CREBRF: variants seen among roughly 807,000 people sequenced by gnomAD.
CREBRF encodes CREB3 regulatory factor.
A neutral mutation model predicts 66.1 loss-of-function variants in CREBRF; 5 were observed. The observed-to-expected ratio is 0.08, with a 90% CI of 0.04 to 0.16. The LOEUF (loss-of-function observed/expected upper bound fraction) is 0.16, where lower values mean the gene tolerates loss of function less well. Among genes scored for constraint, CREBRF ranks in the 10% least tolerant of loss-of-function variants. The pLI is 1.00. For missense variants in CREBRF, 531 were observed against 744.9 expected (o/e 0.71, Z 3.34); for synonymous variants, 229 against 264.4 (o/e 0.87, Z 1.30).
Position 173,108,682 on chromosome 5 carries a change from G to C in CREBRF, c.1281G>C (p.Lys427Asn). ...LKEVTSISSR[K>N]RGKRRYFWEY... ...AGGTGACTTCAATATCTTCACGGAA[G>C]AGAGGTAAAAGAAGATACTTCTGGG... Residue 427 changes from lysine (K) to asparagine (N), a missense_variant, in exon 5 of 9, where the codon AAG (lysine) becomes AAC (asparagine). Physicochemically the swap from Lys to Asn is moderately conservative, Grantham distance 94. This residue lies in a region of CREBRF where 309 missense variants were observed against 341.4 expected (regional missense o/e 0.90). Coordinates refer to ENST00000296953, the MANE Select transcript of CREBRF (RefSeq NM_153607.3). 1 of 1,613,926 alleles carries C rather than the reference G, an allele frequency of 6.2e-7. No individual in the cohort carries two copies. The highest frequency in any genetic ancestry group is 8.5e-7 in the Non-Finnish European group (1 of 1,179,938).
chr5:173,112,643 G>A (rs29779), intron 7 of CREBRF, among the ~76,000 whole-genome samples: 100,575 of 152,040 alleles, frequency 0.66, 33,791 homozygotes, highest in African/African-American at 0.72. Flanking sequence ...ATGATAATTT[G>A]TTTATTTTTT....
chr5:173,107,817 A>T (rs992699584), intron 4 of CREBRF, among the ~76,000 whole-genome samples: 109 of 121,850 alleles, frequency 8.9e-4, no homozygotes, highest in African/African-American at 3.1e-3. Context: ...TCTCTACAAA[A>T]TTTTTTTTTT....
chr5:173,086,356 A>C lies in CREBRF; in HGVS notation c.10-145A>C, dbSNP rs1758146689. The C allele has an allele frequency of 9.6e-6, 7 of 729,428 alleles. No individual in the cohort carries two copies. In the Admixed American group the frequency reaches 1.9e-4, roughly 20 times the overall value. The allele number at this position is 729,428 out of a possible 1,614,324, so 45.2% of individuals were successfully genotyped here. A position where few individuals can be genotyped will look rare whatever the true frequency, so the allele number is the denominator to read the frequency against. ...AGTTCAGTGTTAGCCAAAGCTCTTA[A>C]ATATACTATACAGTAGAAAAAAAGT... is the stretch of plus-strand genomic sequence containing the variant. On this transcript the variant is annotated intron_variant, in intron 2 of 8. Transcript: ENST00000296953.
Position 173,091,158 on chromosome 5 carries a change from G to C in CREBRF, c.979G>C (p.Asp327His). 1 of 1,614,202 alleles carries C rather than the reference G, an allele frequency of 6.2e-7. No individual in the cohort carries two copies. Among genetic ancestry groups the C allele is most frequent in the Non-Finnish European group, 8.5e-7 (1 of 1,180,034 alleles). Residue 327 changes from aspartate to histidine, a missense_variant, in exon 4 of 9, where the codon GAT becomes CAT. By Grantham distance (81) the Asp-to-His change is moderately conservative. This residue lies in a region of CREBRF where 309 missense variants were observed against 341.4 expected (regional missense o/e 0.90). Coordinates refer to ENST00000296953, the MANE Select transcript of CREBRF (RefSeq NM_153607.3). ...TCTTTCTGCCAGTACATCAGTCTCAGATTCATCCCAGAAAAAAGAAGAGCA... is the reference window on the plus strand; with the variant it reads ...TCTTTCTGCCAGTACATCAGTCTCACATTCATCCCAGAAAAAAGAAGAGCA... ...SSLSASTSVS[D>H]SSQKKEEHNY...
intron 1 of CREBRF, among the ~76,000 whole-genome samples, chr5:173,071,122 G>A (rs1239691505): frequency 2.0e-5 from 3 of 152,096 alleles, no homozygotes; most frequent in Non-Finnish European, 2.9e-5. Flanking sequence ...ACTATCTTGA[G>A]GATTAGGGGA....
At chr5:173,064,712 GTGCCACCA>G (rs1757382265) in intron 1 of CREBRF, among the ~76,000 whole-genome samples, 2 of 152,062 alleles carry the variant, frequency 1.3e-5, no homozygotes, top group South Asian at 4.1e-4. Flanking sequence ...TTACAGGGAT[GTGCCACCA>G]TGCCCAGCTA....
intron 2 of CREBRF, among the ~76,000 whole-genome samples, chr5:173,081,462 G>A (rs186940920): frequency 3.7e-4 from 57 of 152,224 alleles, no homozygotes; most frequent in Non-Finnish European, 2.9e-4. Context: ...CAGTGCTGGG[G>A]AGAAACCTAG....
chr5:173,117,742 G>T (rs879840831), intron 7 of CREBRF, among the ~76,000 whole-genome samples: 4 of 133,830 alleles, frequency 3.0e-5, no homozygotes, highest in South Asian at 2.4e-4. Flanking sequence ...GTCTTTCCTC[G>T]CTCTGTTGTC....
chr5:173,068,851 C>T (rs774783425), intron 1 of CREBRF, among the ~76,000 whole-genome samples: 6 of 151,658 alleles, frequency 4.0e-5, no homozygotes, highest in Non-Finnish European at 8.8e-5. Flanking sequence ...GGCGAATTGC[C>T]TGAGCTCAGG....
chr5:173,078,910 A>G (rs930664858), intron 1 of CREBRF, among the ~76,000 whole-genome samples: 17 of 152,188 alleles, frequency 1.1e-4, no homozygotes, highest in African/African-American at 4.1e-4. Context: ...CCAAGATTAT[A>G]CTGATCCACT....
chr5:173,135,729 G>C lies in CREBRF; in HGVS notation c.*1984G>C, dbSNP rs550198095. ...GCATATGAAGCTATATATATAGCTT[G>C]TGAAGGTTTGATCTAGAACACCCAG... On this transcript the variant is annotated 3_prime_UTR_variant, in exon 9 of 9. Coordinates refer to ENST00000296953, the MANE Select transcript of CREBRF (RefSeq NM_153607.3). 86 of 152,356 alleles carry C rather than the reference G, an allele frequency of 5.6e-4. No individual in the cohort carries two copies. Among genetic ancestry groups the C allele is most frequent in the African/African-American group, 2.0e-3 (85 of 41,534 alleles). The allele number at this position is 152,356 out of a possible 1,614,324, so 9.4% of individuals were successfully genotyped here. A position where few individuals can be genotyped will look rare whatever the true frequency, so the allele number is the denominator to read the frequency against.
intron 1 of CREBRF, among the ~76,000 whole-genome samples, chr5:173,062,022 TAACCTA>T (rs1040363187): frequency 1.4e-4 from 22 of 152,238 alleles, no homozygotes; most frequent in Non-Finnish European, 2.8e-4. Context: ...TAGATCTAGC[TAACCTA>T]GGGTCTGCCT....
At chr5:173,085,285 T>C in intron 2 of CREBRF, 2 of 683,926 alleles carry the variant, frequency 2.9e-6, no homozygotes, top group Admixed American at 2.6e-5. Context: ...AAACACTGCT[T>C]TTAGTATGAT....
intron 7 of CREBRF, among the ~76,000 whole-genome samples, chr5:173,122,483 G>A (rs913784169): frequency 6.7e-6 from 1 of 150,280 alleles, no homozygotes; most frequent in Admixed American, 6.6e-5. Flanking sequence ...AATCATTACT[G>A]CTTAATGCTT....
chr5:173,132,800 T>C (rs969140401), intron 8 of CREBRF, among the ~76,000 whole-genome samples: 4 of 150,298 alleles, frequency 2.7e-5, no homozygotes, highest in African/African-American at 7.4e-5. Flanking sequence ...GGTTTCTCCA[T>C]GTTGGTCAGG....
intron 4 of CREBRF, among the ~76,000 whole-genome samples, chr5:173,107,988 C>G (rs1352693930): frequency 6.6e-6 from 1 of 151,760 alleles, no homozygotes; most frequent in Non-Finnish European, 1.5e-5. Context: ...TGCACCACCA[C>G]GCCCTGGCTA....
intron 3 of CREBRF, among the ~76,000 whole-genome samples, chr5:173,088,324 A>G (rs1326338222): frequency 2.0e-4 from 22 of 110,100 alleles, no homozygotes; most frequent in Non-Finnish European, 3.2e-4. Context: ...CTGGAGTGCA[A>G]TGGCGCAATC....
chr5:173,086,781 ATTT>A (rs1758160756), intron 3 of CREBRF, among the ~76,000 whole-genome samples, 155 bp downstream of exon 3: 1 of 151,558 alleles, frequency 6.6e-6, no homozygotes, highest in African/African-American at 2.4e-5. Context: ...ATTTATTTTT[ATTT>A]TTATTTTTTT....
chr5:173,116,517 A>G (rs1348647877), intron 7 of CREBRF, among the ~76,000 whole-genome samples: 3 of 152,210 alleles, frequency 2.0e-5, no homozygotes, highest in Non-Finnish European at 4.4e-5. Context: ...TTCACTCAGC[A>G]TAATTATTTA....
Sources: allele counts gnomAD v4.1 joint callset (sites outside exome capture counted in the v4.1 genomes callset), GRCh38; gene constraint gnomAD v4.1.1; regional missense constraint gnomAD v4.1.1; transcripts MANE v1.5; gene names NCBI Gene and HGNC (gene_info 2026-07-23, HGNC 2026-07-21).